The following FLII variants were observed in gnomAD, a reference collection of about 807,000 sequenced individuals.
FLII encodes protein flightless-1 homolog.
FLII carries 101 observed loss-of-function variants against 156.2 expected under a neutral mutation model. That is an observed-to-expected ratio of 0.65 (90% confidence interval 0.55 to 0.76). The LOEUF (loss-of-function observed/expected upper bound fraction) is 0.76. Ranked by LOEUF, FLII falls within the 30% of genes least tolerant of loss-of-function variation. The pLI is 0.00. For missense variants in FLII, 1,675 were observed against 1,682.8 expected (o/e 1.00, Z 0.08); for synonymous variants, 767 against 685.8 (o/e 1.12, Z -1.85).
chr17:18,245,211 C>T lies in FLII; in HGVS notation c.3737G>A (p.Arg1246His), dbSNP rs763548959. 12 of 1,613,822 alleles carry T rather than the reference C, an allele frequency of 7.4e-6. No homozygotes were observed. Among genetic ancestry groups the T allele is most frequent in the East Asian group, 4.5e-5 (2 of 44,886 alleles). The change falls in exon 30 of 30, where the codon CGC (arginine) becomes CAC (histidine). Residue 1246 changes from arginine to histidine, a missense_variant. By Grantham distance (29) the Arg-to-His change is conservative. Coordinates refer to ENST00000327031, the MANE Select transcript of FLII (RefSeq NM_002018.4). ...AAAGGCGTGCTGCTCATTGCCCTTGCGGACCAGGCGCAGCCGGCGCGGCCG... is the reference window on the plus strand; with the variant it reads ...AAAGGCGTGCTGCTCATTGCCCTTGTGGACCAGGCGCAGCCGGCGCGGCCG... ...HERPRRLRLV[R>H]KGNEQHAFTR...
intron 1 of FLII, 45 bp from the exon 2 acceptor site, chr17:18,257,064 A>G: frequency 7.6e-7 from 1 of 1,315,418 alleles, no homozygotes; most frequent in South Asian, 1.3e-5. Flanking sequence ...CCTGCTCACC[A>G]CCTTCTATGG....
chr17:18,253,065 G>A (rs892506358), intron 9 of FLII, among the ~76,000 whole-genome samples: 3 of 152,316 alleles, frequency 2.0e-5, no homozygotes, highest in East Asian at 1.9e-4. Flanking sequence ...CAGGAGATTC[G>A]CTTGAACCTG....
rs577864863 is a variant in FLII, at chr17:18,253,758, C to T, written c.680-39G>A. On this transcript the variant is annotated intron_variant, in intron 7 of 29. Transcript: ENST00000327031. ...TGGGGTGCATCAGCTGGGGCCCATACACCAGGTGCCAGGGCAGCCAGCCCT... is the reference window on the plus strand; with the variant it reads ...TGGGGTGCATCAGCTGGGGCCCATATACCAGGTGCCAGGGCAGCCAGCCCT... 1.6e-5 allele frequency: 24 copies of T among 1,541,308 alleles called. No homozygotes were observed. The South Asian group carries it at 1.8e-4, about 11-fold the overall frequency.
At chr17:18,245,442 AC>A (rs2048003745) in intron 28 of FLII, 23 bp from the exon 29 acceptor site, 1 of 1,613,568 alleles carries the variant, frequency 6.2e-7, no homozygotes, top group Non-Finnish European at 8.5e-7. Flanking sequence ...CAGGGGAGAT[AC>A]GGTTGCATGG....
rs1567717741 is a variant in FLII at position 18,255,277 on chromosome 17, AT to A, written c.247-15del. The A allele has an allele frequency of 1.2e-6, 2 of 1,604,768 alleles. No homozygotes were observed. Among genetic ancestry groups the A allele is most frequent in the South Asian group, 1.1e-5 (1 of 90,776 alleles). ...GGCCACGATGGCCTGGGAATAAACC[AT>A]AAGAGTCTATAATTCCTGGCTTCCA... is the stretch of plus-strand genomic sequence containing the variant. On this transcript the variant is annotated splice_polypyrimidine_tract_variant and intron_variant, in intron 3 of 29. Transcript: ENST00000327031.
rs534056531 is a variant in FLII, at chr17:18,244,984, G to T, written c.*154C>A. 7 of 821,964 alleles carry T rather than the reference G, an allele frequency of 8.5e-6. No individual in the cohort carries two copies. The highest frequency in any genetic ancestry group is 2.5e-5 in the East Asian group (1 of 40,702). 50.9% of individuals were successfully genotyped at this position (821,964 alleles called of 1,614,324 possible). On this transcript the variant is annotated 3_prime_UTR_variant, in exon 30 of 30. Transcript: ENST00000327031. The stretch of plus-strand genomic sequence containing the variant: ...CCAGACCCCTGAGGGCACCTGTCAG[G>T]GTCATCCCCATTGGTGCTGCTTGAG...
In FLII at chr17:18,245,117, C is replaced by T. The variant is rs762243136; in HGVS notation, c.*21G>A. ...GGCCCCTTCCTCTTCCTCACCAAGC[C>T]TGGGGCTGTGCCAGCCTGTCTTAGG... is the stretch of plus-strand genomic sequence containing the variant. On this transcript the variant is annotated 3_prime_UTR_variant, in exon 30 of 30. Transcript: ENST00000327031. 1.9e-6 allele frequency: 3 copies of T among 1,602,588 alleles called. No homozygotes were observed. Among genetic ancestry groups the T allele is most frequent in the Admixed American group, 1.7e-5 (1 of 59,200 alleles).
In FLII at chr17:18,249,174, G is replaced by A. The variant is rs770086887; in HGVS notation, c.1887C>T (p.Asn629=). 34 of 1,614,080 alleles carry A rather than the reference G, an allele frequency of 2.1e-5. No individual in the cohort carries two copies. Among genetic ancestry groups the A allele is most frequent in the South Asian group, 5.5e-5 (5 of 91,092 alleles). ...TRMYRVYGKK[N]IKLEPVPLKG... ...TGAGGGGCACAGGCTCCAACTTGAT[G>A]TTCTTTTTCCCATACACACGATACA... The change falls in exon 16 of 30, where the codon AAC becomes AAT. Residue 629 remains asparagine (N), a synonymous_variant. Coordinates refer to ENST00000327031, the MANE Select transcript of FLII (RefSeq NM_002018.4).
Position 18,251,481 on chromosome 17 carries a change from G to T in FLII, c.1384-4C>A, listed in dbSNP as rs1282152982. 1 of 1,599,748 alleles carries T rather than the reference G, an allele frequency of 6.3e-7. No homozygotes were observed. The highest frequency in any genetic ancestry group is 8.5e-7 in the Non-Finnish European group (1 of 1,172,454). ...GGGCCCGGGCATCTGCGCTCTCCTG[G>T]GGGCAGAGTCACAGAGCACGGCTTG... On this transcript the variant is annotated splice_polypyrimidine_tract_variant and splice_region_variant and intron_variant, in intron 12 of 29. Coordinates refer to ENST00000327031, the MANE Select transcript of FLII (RefSeq NM_002018.4).
chr17:18,253,301 C>T lies in FLII; in HGVS notation c.1013G>A (p.Arg338Lys). 1 of 1,613,862 alleles carries T rather than the reference C, an allele frequency of 6.2e-7. No homozygotes were observed. The highest frequency in any genetic ancestry group is 8.5e-7 in the Non-Finnish European group (1 of 1,180,034). Residue 338 changes from arginine (R) to lysine (K), a missense_variant and splice_region_variant, in exon 9 of 30, where the codon AGG (arginine) becomes AAG (lysine). Arg to Lys is a conservative substitution (Grantham distance 26). This residue lies in a region of FLII where 1,332 missense variants were observed against 1,269.3 expected (regional missense o/e 1.05). Coordinates refer to ENST00000327031, the MANE Select transcript of FLII (RefSeq NM_002018.4). ...NLELVPESLC[R>K]CPKLRKLVLN... Reference sequence around the variant, plus strand: ...TGCTAGCCCCAGCCCTGCCCAGCACCTGCAGAGACTTTCAGGGACCAGCTC... The same window carrying T: ...TGCTAGCCCCAGCCCTGCCCAGCACTTGCAGAGACTTTCAGGGACCAGCTC...
intron 14 of FLII, among the ~76,000 whole-genome samples, chr17:18,250,162 C>T (rs1039831357): frequency 2.0e-5 from 3 of 152,100 alleles, no homozygotes; most frequent in South Asian, 4.1e-4. Context: ...ATACACACGT[C>T]GGGGTGTTGG....
Position 18,246,829 on chromosome 17 carries a change from C to T in FLII, c.2817-1G>A. The T allele has an allele frequency of 6.2e-7, 1 of 1,614,126 alleles. No individual in the cohort carries two copies. Among genetic ancestry groups the T allele is most frequent in the Non-Finnish European group, 8.5e-7 (1 of 1,180,002 alleles). On this transcript the variant is annotated splice_acceptor_variant, in intron 22 of 29. Transcript: ENST00000327031. LOFTEE classifies it high-confidence loss of function. ...CTCGTACTCCACAGGCACCCAGTAC[C>T]TGCCGGGTTGGAAGGTTGTGAGCAG...
intron 14 of FLII, among the ~76,000 whole-genome samples, chr17:18,249,821 C>CA (rs72485518): frequency 1.1e-4 from 17 of 149,792 alleles, no homozygotes; most frequent in South Asian, 4.2e-4. Context: ...CAAACAACAA[C>CA]AAAAAAAACA....
At position 18,253,782 on chromosome 17, in the gene FLII, C is replaced by G. The variant is rs553908170; in HGVS notation, c.680-63G>C. 2.0e-4 allele frequency: 298 copies of G among 1,460,428 alleles called. No individual in the cohort carries two copies. The African/African-American group carries it at 3.9e-3, about 19-fold the overall frequency. The allele number at this position is 1,460,428 out of a possible 1,614,324, so 90.5% of individuals were successfully genotyped here. ...ACACCAGGTGCCAGGGCAGCCAGCCCTAGTGTGAACCCCAGCTCTGCCACC... is the reference window on the plus strand; with the variant it reads ...ACACCAGGTGCCAGGGCAGCCAGCCGTAGTGTGAACCCCAGCTCTGCCACC... On this transcript the variant is annotated intron_variant, in intron 7 of 29. Coordinates refer to ENST00000327031, the MANE Select transcript of FLII (RefSeq NM_002018.4).
chr17:18,246,532 T>A, intron 23 of FLII, 62 bp downstream of exon 23: 4 of 1,611,388 alleles, frequency 2.5e-6, no homozygotes, highest in Non-Finnish European at 2.5e-6. Context: ...TAACCTTCGC[T>A]GGGTCTGAGC....
chr17:18,257,409 A>C (rs1597927191), intron 1 of FLII: 1 of 202,014 alleles, frequency 5.0e-6, no homozygotes, highest in South Asian at 8.1e-5. Context: ...CAAAGGCGCC[A>C]CCTGTGCCCT....
At chr17:18,245,472 T>C (rs2048005344) in intron 28 of FLII, 53 bp from the exon 29 acceptor site, 2 of 1,612,502 alleles carry the variant, frequency 1.2e-6, no homozygotes, top group South Asian at 2.2e-5. Context: ...GAACAGCCCC[T>C]TGCTCCTGGC....
chr17:18,245,564 A>G lies in FLII; in HGVS notation c.3600T>C (p.Asn1200=), dbSNP rs749491763. The G allele has an allele frequency of 9.9e-6, 16 of 1,613,804 alleles. No individual in the cohort carries two copies. In the East Asian group the frequency reaches 1.3e-4, roughly 13 times the overall value. ...AGTGGCAACATCACACCTCTTGGCC[A>G]TTGTCTAGCAACATGATGTCATCAT... ...LADDDIMLLD[N]GQEVYMWVGT... The change falls in exon 28 of 30, where the codon AAT becomes AAC. Residue 1200 remains asparagine (N), a synonymous_variant. Transcript: ENST00000327031.
In FLII at chr17:18,251,689, T is replaced by C; in HGVS notation, c.1374A>G (p.Lys458=). ...GMSDVAQEKN[K]KQEESADARA... ...CCCTGGCCTGGCTCACCTCCTGCTT[T>C]TTGTTCTTCTCCTGGGCAACATCTG... The change falls in exon 12 of 30, where the codon AAA becomes AAG. Residue 458 remains lysine (K), a synonymous_variant. Coordinates refer to ENST00000327031, the MANE Select transcript of FLII (RefSeq NM_002018.4). 1 of 1,614,012 alleles carries C rather than the reference T, an allele frequency of 6.2e-7. No individual in the cohort carries two copies. Among genetic ancestry groups the C allele is most frequent in the Non-Finnish European group, 8.5e-7 (1 of 1,180,020 alleles).
Sources: gnomAD v4.1 joint callset for allele counts (sites outside exome capture counted in the v4.1 genomes callset) on GRCh38, gnomAD v4.1.1 for gene constraint, gnomAD v4.1.1 regional missense constraint, MANE v1.5 for transcripts, NCBI Gene and HGNC (gene_info 2026-07-23, HGNC 2026-07-21) for gene names.